The following USP46 variants were observed in gnomAD, a reference collection of about 807,000 sequenced individuals.
USP46 encodes ubiquitin carboxyl-terminal hydrolase 46.
Under a neutral mutation model 44.4 loss-of-function variants are expected in USP46, and 12 were observed. That is an observed-to-expected ratio of 0.27 (90% confidence interval 0.17 to 0.44). USP46 has a LOEUF of 0.44. Among genes scored for constraint, USP46 ranks in the 20% least tolerant of loss-of-function variants. The pLI, the probability that USP46 is intolerant of heterozygous loss-of-function variation, is 1.00. For missense variants in USP46, 248 were observed against 444.8 expected (o/e 0.56, Z 3.98); for synonymous variants, 155 against 161.5 (o/e 0.96, Z 0.31).
At chr4:52,636,829 A>G (rs1311868471) in intron 1 of USP46, among the ~76,000 whole-genome samples, 1 of 149,356 alleles carries the variant, frequency 6.7e-6, no homozygotes, top group Non-Finnish European at 1.5e-5. Flanking sequence ...TCTTTTTATG[A>G]GACAGGGTCT....
Position 52,643,210 on chromosome 4 carries a change from T to C in USP46, c.37-12066A>G, listed in dbSNP as rs1472667512. ...CTCTCCTCATCATTTGGTTTCAATG[T>C]CACTTCTTCAAAGCTACCTTCCCTG... On this transcript the variant is annotated intron_variant, in intron 1 of 8. Transcript: ENST00000441222. 2.0e-5 allele frequency among the ~76,000 whole-genome samples: 3 copies of C among 152,324 alleles called. No homozygotes were observed. The East Asian group carries it at 5.8e-4, about 29-fold the overall frequency.
At chr4:52,648,655 C>T (rs1346753223) in intron 1 of USP46, among the ~76,000 whole-genome samples, 2 of 152,194 alleles carry the variant, frequency 1.3e-5, no homozygotes, top group East Asian at 3.9e-4. Context: ...ACACTGCCAA[C>T]CATACAATAT....
At chr4:52,641,850 A>G (rs564530495) in intron 1 of USP46, among the ~76,000 whole-genome samples, 3 of 152,250 alleles carry the variant, frequency 2.0e-5, no homozygotes, top group Non-Finnish European at 2.9e-5. Flanking sequence ...AAGGCCAAAG[A>G]TAACATGTAA....
chr4:52,629,658 C>T (rs996972970), intron 2 of USP46: 22 of 456,118 alleles, frequency 4.8e-5, no homozygotes, highest in African/African-American at 1.0e-4. Flanking sequence ...CCTTCAGTAA[C>T]GCTTGGCCCC....
intron 1 of USP46, 34 bp from the exon 2 acceptor site, chr4:52,631,178 T>G (rs981760953): frequency 1.3e-6 from 2 of 1,511,980 alleles, no homozygotes; most frequent in African/African-American, 2.8e-5. Context: ...TTCTGTTGCA[T>G]GTAAAATAGA....
At chr4:52,618,661 A>G (rs1303395627) in intron 4 of USP46, among the ~76,000 whole-genome samples, 1 of 152,214 alleles carries the variant, frequency 6.6e-6, no homozygotes, top group Admixed American at 6.5e-5. Flanking sequence ...GCTGTTCTGC[A>G]CTGTTCAATC....
chr4:52,642,123 C>T (rs1209579207), intron 1 of USP46, among the ~76,000 whole-genome samples: 1 of 152,102 alleles, frequency 6.6e-6, no homozygotes, highest in African/African-American at 2.4e-5. Context: ...TGACTCAGCC[C>T]AAGATCTCAG....
chr4:52,633,005 A>AG lies in USP46; in HGVS notation c.37-1862dup, dbSNP rs1231047198. 8.8e-4 allele frequency among the ~76,000 whole-genome samples: 110 copies of AG among 124,888 alleles called. 3 individuals carry two copies. Among genetic ancestry groups the AG allele is most frequent in the African/African-American group, 3.3e-3 (101 of 30,330 alleles). The allele number at this position is 124,888 out of a possible 152,430, so 81.9% of individuals were successfully genotyped here. On this transcript the variant is annotated intron_variant, in intron 1 of 8. Coordinates refer to ENST00000441222, the MANE Select transcript of USP46 (RefSeq NM_022832.4). ...GAAAGAAAAGAAAAGAAAGAAAGAA[A>AG]GAAAGAAAGAAAGAAAGAAAGAAAA...
chr4:52,650,375 G>A (rs1054562029), intron 1 of USP46, among the ~76,000 whole-genome samples: 2 of 152,162 alleles, frequency 1.3e-5, no homozygotes, highest in Non-Finnish European at 2.9e-5. Context: ...ACACACAAAC[G>A]TTGCAATCCA....
intron 7 of USP46, among the ~76,000 whole-genome samples, chr4:52,601,424 T>TATTTTTAATCA (rs1295807174): frequency 1.3e-5 from 2 of 152,220 alleles, no homozygotes; most frequent in South Asian, 2.1e-4. Flanking sequence ...TTTAAGAATA[T>TATTTTTAATCA]ATTTTTAATC....
At chr4:52,635,483 TCCAATG>T (rs1316265101) in intron 1 of USP46, among the ~76,000 whole-genome samples, 1 of 152,202 alleles carries the variant, frequency 6.6e-6, no homozygotes, top group African/African-American at 2.4e-5. Context: ...AGTGCTCATT[TCCAATG>T]GTCCCCAAGT....
intron 1 of USP46, among the ~76,000 whole-genome samples, chr4:52,636,531 C>A (rs1286770244): frequency 6.6e-6 from 1 of 151,698 alleles, no homozygotes; most frequent in Admixed American, 6.6e-5. Context: ...TATGGTGAAA[C>A]CCCATCTCTA....
chr4:52,604,390 A>G (rs1034833895), intron 6 of USP46, 111 bp downstream of exon 6: 1 of 851,312 alleles, frequency 1.2e-6, no homozygotes, highest in Non-Finnish European at 1.9e-6. Flanking sequence ...CCAAGGCTCC[A>G]TGGCTACAAG....
intron 4 of USP46, among the ~76,000 whole-genome samples, chr4:52,622,172 G>A (rs1212821279): frequency 6.6e-6 from 1 of 152,194 alleles, no homozygotes; most frequent in African/African-American, 2.4e-5. Flanking sequence ...ATGAGACTGA[G>A]AGGAAAATTA....
chr4:52,620,514 G>A lies in USP46; in HGVS notation c.561+5504C>T, dbSNP rs372488226. ...TAGAAAGGCAGGGCTCTCACTGTAC[G>A]CTCAGTGCTTCAGGCTTTTACATAG... is the stretch of plus-strand genomic sequence containing the variant. On this transcript the variant is annotated intron_variant, in intron 4 of 8. Coordinates refer to ENST00000441222, the MANE Select transcript of USP46 (RefSeq NM_022832.4). 9.2e-5 allele frequency among the ~76,000 whole-genome samples: 14 copies of A among 152,222 alleles called. No homozygotes were observed. The East Asian group carries it at 1.2e-3, about 13-fold the overall frequency.
chr4:52,610,696 C>T (rs879059338), intron 4 of USP46, 79 bp from the exon 5 acceptor site: 8 of 1,338,728 alleles, frequency 6.0e-6, no homozygotes, highest in East Asian at 2.4e-5. Context: ...AGGTAATCAC[C>T]GACTGCAATA....
chr4:52,619,335 T>C (rs1331924341), intron 4 of USP46, among the ~76,000 whole-genome samples: 1 of 152,052 alleles, frequency 6.6e-6, no homozygotes, highest in Admixed American at 6.6e-5. Context: ...ATCATTGTTT[T>C]CTGAAAGCAT....
chr4:52,651,561 C>A (rs1434796525), intron 1 of USP46, among the ~76,000 whole-genome samples: 1 of 152,072 alleles, frequency 6.6e-6, no homozygotes, highest in Non-Finnish European at 1.5e-5. Context: ...AGTAATTCCA[C>A]CAGTATATAT....
intron 1 of USP46, chr4:52,656,466 G>C: frequency 6.9e-7 from 1 of 1,446,158 alleles, no homozygotes; most frequent in Non-Finnish European, 9.1e-7. Flanking sequence ...AGCAGGGGGC[G>C]GGGTTAAGGA....
Sources: allele counts gnomAD v4.1 joint callset (sites outside exome capture counted in the v4.1 genomes callset), GRCh38; gene constraint gnomAD v4.1.1; transcripts MANE v1.5; gene names NCBI Gene and HGNC (gene_info 2026-07-23, HGNC 2026-07-21).